ANKS1B: variants seen among roughly 807,000 people sequenced by gnomAD.
ANKS1B encodes ankyrin repeat and sterile alpha motif domain containing 1B.
In ANKS1B, 36 loss-of-function variants were observed where a neutral mutation model predicts 148.3. That is an observed-to-expected ratio of 0.24 (90% CI 0.19 to 0.32). The LOEUF is 0.32. Among genes scored for constraint, ANKS1B ranks in the 10% least tolerant of loss-of-function variants. The probability of loss-of-function intolerance (pLI) is 1.00; values close to 1 mark genes in which losing one functional copy is unlikely to be tolerated. For synonymous variants in ANKS1B, 542 were observed against 560.8 expected (o/e 0.97, Z 0.47); for missense variants, 1,157 against 1,542.6 (o/e 0.75, Z 4.19).
At chr12:98,982,388 A>G (rs1198644906) in intron 17 of ANKS1B, among the ~76,000 whole-genome samples, 1 of 152,204 alleles carries the variant, frequency 6.6e-6, no homozygotes, top group Non-Finnish European at 1.5e-5. Context: ...TGAAACTACA[A>G]TGATCATCTG....
chr12:99,383,448 C>T (rs913820937), intron 12 of ANKS1B, among the ~76,000 whole-genome samples: 1 of 152,200 alleles, frequency 6.6e-6, no homozygotes, highest in Non-Finnish European at 1.5e-5. Context: ...AGTCACCTCT[C>T]ACCATTCTTT....
At chr12:98,960,932 T>C (rs367850539) in intron 17 of ANKS1B, among the ~76,000 whole-genome samples, 1 of 152,060 alleles carries the variant, frequency 6.6e-6, no homozygotes, top group Admixed American at 6.6e-5. Flanking sequence ...GTGAGCTTGA[T>C]GACAGGCTAT....
chr12:99,187,296 T>C (rs1376832676), intron 14 of ANKS1B, among the ~76,000 whole-genome samples: 1 of 151,938 alleles, frequency 6.6e-6, no homozygotes, highest in Non-Finnish European at 1.5e-5. Flanking sequence ...TTCCCCAACC[T>C]AGCAAGACAG....
intron 15 of ANKS1B, among the ~76,000 whole-genome samples, chr12:99,137,703 C>T (rs557947476): frequency 1.3e-5 from 2 of 152,040 alleles, no homozygotes; most frequent in Non-Finnish European, 2.9e-5. Context: ...ATTTCTTCCC[C>T]TGCCCACTAA....
intron 15 of ANKS1B, among the ~76,000 whole-genome samples, chr12:99,103,215 C>G (rs2058398647): frequency 6.6e-6 from 1 of 152,148 alleles, no homozygotes; most frequent in Non-Finnish European, 1.5e-5. Flanking sequence ...GACAATTCCT[C>G]AAGCTGAGGT....
At chr12:98,956,824 C>T (rs2099863009) in intron 17 of ANKS1B, among the ~76,000 whole-genome samples, 1 of 152,082 alleles carries the variant, frequency 6.6e-6, no homozygotes, top group Admixed American at 6.6e-5. Flanking sequence ...TATACTTTCT[C>T]AATTTCCATG....
At chr12:99,310,083 T>C (rs758637630) in intron 12 of ANKS1B, among the ~76,000 whole-genome samples, 1 of 152,192 alleles carries the variant, frequency 6.6e-6, no homozygotes, top group Non-Finnish European at 1.5e-5. Context: ...ATCTGTATCA[T>C]GGATCTGATT....
At chr12:99,950,400 C>G (rs370417696) in intron 1 of ANKS1B, among the ~76,000 whole-genome samples, 3 of 152,048 alleles carry the variant, frequency 2.0e-5, no homozygotes, top group South Asian at 2.1e-4. Flanking sequence ...CATCAGCCTT[C>G]CCCGCATCCT....
chr12:99,800,881 T>C (rs771769080), intron 4 of ANKS1B, among the ~76,000 whole-genome samples: 4 of 151,918 alleles, frequency 2.6e-5, no homozygotes, highest in Admixed American at 6.6e-5. Flanking sequence ...ACTCAAGAGA[T>C]TGGATGAGGT....
At chr12:99,515,082 GA>G (rs2096803403) in intron 9 of ANKS1B, among the ~76,000 whole-genome samples, 1 of 151,488 alleles carries the variant, frequency 6.6e-6, no homozygotes. Context: ...TGGTACATTT[GA>G]TATTTTGATA....
At chr12:99,259,506 C>G (rs1452451534) in intron 12 of ANKS1B, among the ~76,000 whole-genome samples, 2 of 152,228 alleles carry the variant, frequency 1.3e-5, no homozygotes, top group Non-Finnish European at 2.9e-5. Flanking sequence ...GCAGACCATG[C>G]TGTTTGACTC....
rs550695048 is a variant in ANKS1B at position 99,847,545 on chromosome 12, C to T, written c.135-22156G>A. 5.9e-5 allele frequency among the ~76,000 whole-genome samples: 9 copies of T among 152,302 alleles called. No homozygotes were observed. In the South Asian group the frequency reaches 1.7e-3, roughly 28 times the overall value. ...ACAGAGAGGTCAAGAAGAACCTCAA[C>T]TGACAGGCCTTGCTGGGTTTCCCCA... On this transcript the variant is annotated intron_variant, in intron 1 of 26. Transcript: ENST00000683438.
At chr12:99,711,769 A>G (rs942417838) in intron 8 of ANKS1B, among the ~76,000 whole-genome samples, 3 of 152,206 alleles carry the variant, frequency 2.0e-5, no homozygotes, top group African/African-American at 7.2e-5. Context: ...TAGTTCAACC[A>G]TTGTGGAAGA....
intron 12 of ANKS1B, among the ~76,000 whole-genome samples, chr12:99,371,092 T>G (rs1014377780): frequency 5.9e-5 from 9 of 152,132 alleles, no homozygotes; most frequent in Admixed American, 2.0e-4. Flanking sequence ...AAGGAAAATC[T>G]GAAGGTAGAT....
chr12:99,927,532 G>C (rs1384919574), intron 1 of ANKS1B, among the ~76,000 whole-genome samples: 2 of 152,168 alleles, frequency 1.3e-5, no homozygotes, highest in Non-Finnish European at 2.9e-5. Flanking sequence ...CTCTTTGCTT[G>C]TTTTTACAAG....
intron 17 of ANKS1B, among the ~76,000 whole-genome samples, chr12:98,880,197 C>T (rs10492270): frequency 0.053 from 8,111 of 152,176 alleles, 347 homozygotes; most frequent in African/African-American, 0.11. Context: ...AAAAGTGATA[C>T]AATAACAGCT....
intron 11 of ANKS1B, among the ~76,000 whole-genome samples, chr12:99,437,244 T>C (rs2095475901): frequency 6.6e-6 from 1 of 151,900 alleles, no homozygotes; most frequent in Non-Finnish European, 1.5e-5. Flanking sequence ...GCCTCTTTTA[T>C]AAGTGAACTA....
At chr12:99,731,384 G>A (rs982515595) in intron 8 of ANKS1B, among the ~76,000 whole-genome samples, 3 of 151,200 alleles carry the variant, frequency 2.0e-5, no homozygotes, top group African/African-American at 7.3e-5. Context: ...CTCCCAAAGC[G>A]CTGGGATTAT....
intron 10 of ANKS1B, among the ~76,000 whole-genome samples, chr12:99,463,113 C>G (rs1264358612): frequency 6.6e-6 from 1 of 152,106 alleles, no homozygotes; most frequent in Non-Finnish European, 1.5e-5. Context: ...AAAAAATACC[C>G]TAATAGAAAA....
Sources: gnomAD v4.1 joint callset for allele counts (sites outside exome capture counted in the v4.1 genomes callset) on GRCh38, gnomAD v4.1.1 for gene constraint, MANE v1.5 for transcripts, NCBI Gene and HGNC (gene_info 2026-07-23, HGNC 2026-07-21) for gene names.